Variants in ITPKB observed in about 807,000 individuals in gnomAD.
ITPKB encodes IP3 3-kinase B.
In ITPKB, 13 loss-of-function variants were observed where a neutral mutation model predicts 69.4. That is an observed-to-expected ratio of 0.19 (90% CI 0.12 to 0.30). The LOEUF (loss-of-function observed/expected upper bound fraction) is 0.30. ITPKB is among the 10% of genes least tolerant of loss of function. ITPKB has a pLI of 1.00. For missense variants in ITPKB, 1,240 were observed against 1,250.5 expected (o/e 0.99, Z 0.13); for synonymous variants, 584 against 513.7 (o/e 1.14, Z -1.85).
rs1657898524 is a variant in ITPKB at position 226,738,715 on chromosome 1, C to CGCGGAGGCAGCGCCGCGGA, written c.-206+325_-206+326insTCCGCGGCGCTGCCTCCGC. Among the ~76,000 whole-genome samples, 1 of 152,192 alleles carries CGCGGAGGCAGCGCCGCGGA rather than the reference C, an allele frequency of 6.6e-6. No homozygotes were observed. The highest frequency in any genetic ancestry group is 2.4e-5 in the African/African-American group (1 of 41,460). On this transcript the variant is annotated intron_variant, in intron 1 of 7. Coordinates refer to ENST00000429204, the MANE Select transcript of ITPKB (RefSeq NM_002221.4). The surrounding 1 kb of genome is among the most constrained non-coding windows in gnomAD (Gnocchi z 4.2). The stretch of plus-strand genomic sequence containing the variant: ...GGCAGCGCCGCGGAGCGCAGGGCTT[C>CGCGGAGGCAGCGCCGCGGA]TCCGCATCCCGGGCAGCCTCGCCCG...
chr1:226,737,711 G>A (rs1657844131), intron 1 of ITPKB, 48 bp from the exon 2 acceptor site: 1 of 513,084 alleles, frequency 1.9e-6, no homozygotes, highest in Admixed American at 5.7e-5. Flanking sequence ...GGCGCGCGGG[G>A]GGAGTTGGGG....
intron 2 of ITPKB, chr1:226,707,501 A>G: frequency 1.0e-6 from 1 of 983,616 alleles, no homozygotes; most frequent in South Asian, 4.7e-5. Context: ...CTGGCCAATA[A>G]AGTAAAATTT....
intron 2 of ITPKB, among the ~76,000 whole-genome samples, chr1:226,694,833 T>G: frequency 6.6e-6 from 1 of 152,228 alleles, no homozygotes; most frequent in Non-Finnish European, 1.5e-5. Context: ...TGAAAACCAC[T>G]GGGTAAATCA....
chr1:226,679,492 A>G (rs1656025425), intron 2 of ITPKB, among the ~76,000 whole-genome samples: 1 of 152,204 alleles, frequency 6.6e-6, no homozygotes, highest in South Asian at 2.1e-4. Context: ...AAACTCAAAA[A>G]TACTATCTGG....
chr1:226,657,655 C>T (rs1287694315), intron 2 of ITPKB, among the ~76,000 whole-genome samples: 1 of 152,206 alleles, frequency 6.6e-6, no homozygotes, highest in African/African-American at 2.4e-5. Flanking sequence ...TACTAATAAG[C>T]TAATAGCTCA....
intron 2 of ITPKB, among the ~76,000 whole-genome samples, chr1:226,675,507 T>G (rs929465092): frequency 6.6e-6 from 1 of 151,802 alleles, no homozygotes; most frequent in Non-Finnish European, 1.5e-5. Context: ...CAAGGAGCTG[T>G]GGGGAGGAGG....
At chr1:226,709,536 C>T (rs569146099) in intron 2 of ITPKB, among the ~76,000 whole-genome samples, 41 of 152,318 alleles carry the variant, frequency 2.7e-4, no homozygotes, top group African/African-American at 8.9e-4. Context: ...AACTATGCAG[C>T]AGGCTGTGGA....
At chr1:226,697,462 A>C (rs1571863158) in intron 2 of ITPKB, among the ~76,000 whole-genome samples, 1 of 152,352 alleles carries the variant, frequency 6.6e-6, no homozygotes, top group South Asian at 2.1e-4. Context: ...ATCAGCAAGG[A>C]AGGCCCTGGT....
chr1:226,661,100 G>A (rs954029290), intron 2 of ITPKB, among the ~76,000 whole-genome samples: 1 of 152,232 alleles, frequency 6.6e-6, no homozygotes, highest in Non-Finnish European at 1.5e-5. Flanking sequence ...ATCTTGGGCC[G>A]CTCTCTCAGA....
intron 7 of ITPKB, among the ~76,000 whole-genome samples, chr1:226,636,845 A>G (rs889146856): frequency 6.6e-6 from 1 of 151,460 alleles, no homozygotes; most frequent in Non-Finnish European, 1.5e-5. Context: ...GCACACAAAA[A>G]TGTGTGTGGA....
In ITPKB at chr1:226,729,210, G is replaced by A. The variant is rs146257031; in HGVS notation, c.1932+6317C>T. Among the ~76,000 whole-genome samples, 1,462 of 152,162 alleles carry A rather than the reference G, an allele frequency of 9.6e-3. 20 individuals carry two copies. Among genetic ancestry groups the A allele is most frequent in the Non-Finnish European group, 0.013 (910 of 68,008 alleles). The stretch of plus-strand genomic sequence containing the variant: ...GATATTAAAGGAAATGAGGCCAGGC[G>A]CGGTGGCTCACGCCTGTAATCCCAG... On this transcript the variant is annotated intron_variant, in intron 2 of 7. Transcript: ENST00000429204.
chr1:226,673,282 G>A (rs1571852594), intron 2 of ITPKB, among the ~76,000 whole-genome samples: 1 of 152,212 alleles, frequency 6.6e-6, no homozygotes, highest in Non-Finnish European at 1.5e-5. Flanking sequence ...GCTGAGGCAG[G>A]AGGATTGCTT....
chr1:226,690,421 G>C (rs1457176879), intron 2 of ITPKB, among the ~76,000 whole-genome samples: 1 of 152,148 alleles, frequency 6.6e-6, no homozygotes, highest in South Asian at 2.1e-4. Flanking sequence ...TTCTGAGACT[G>C]GTCCTGATCT....
intron 2 of ITPKB, among the ~76,000 whole-genome samples, chr1:226,682,057 G>C (rs1466505487): frequency 2.6e-5 from 4 of 152,220 alleles, no homozygotes; most frequent in African/African-American, 9.6e-5. Flanking sequence ...ATCTCCAGTA[G>C]TCAAAGGACC....
At chr1:226,639,892 C>T (rs778244219) in intron 5 of ITPKB, among the ~76,000 whole-genome samples, 17 of 152,180 alleles carry the variant, frequency 1.1e-4, no homozygotes, top group Admixed American at 2.6e-4. Flanking sequence ...CATCCCCAGG[C>T]GAGTGAACAG....
Position 226,641,896 on chromosome 1 carries a change from G to A in ITPKB, c.2451+25C>T. The A allele has an allele frequency of 1.9e-6, 3 of 1,604,158 alleles. No homozygotes were observed. The highest frequency in any genetic ancestry group is 1.3e-5 in the African/African-American group (1 of 74,930). ...TGAGGTGGGCACGGGTGGGGCCCGA[G>A]GCTGCCCTCACTCGCCGGCCTCACC... On this transcript the variant is annotated intron_variant, in intron 5 of 7. Transcript: ENST00000429204. This position sits in a 1 kb window ranked among gnomAD's most constrained non-coding sequence, Gnocchi z 4.6.
chr1:226,662,794 T>TA (rs1669424096), intron 2 of ITPKB, among the ~76,000 whole-genome samples: 2 of 152,264 alleles, frequency 1.3e-5, no homozygotes, highest in South Asian at 4.1e-4. Context: ...TATGCTGATG[T>TA]GCCTGTGGCT....
chr1:226,717,088 G>T (rs1217769015), intron 2 of ITPKB, among the ~76,000 whole-genome samples: 5 of 152,102 alleles, frequency 3.3e-5, no homozygotes, highest in Non-Finnish European at 7.4e-5. Flanking sequence ...TCACCGGGCA[G>T]AAAAACAAAC....
Position 226,662,907 on chromosome 1 carries a change from T to G in ITPKB, c.1933-14136A>C, listed in dbSNP as rs185676346. ...GCAGCCCTGCCCCAGCAGTGGCCAATGCGCAGCTCTGAATTCTGCTATGAG... is the reference window on the plus strand; with the variant it reads ...GCAGCCCTGCCCCAGCAGTGGCCAAGGCGCAGCTCTGAATTCTGCTATGAG... On this transcript the variant is annotated intron_variant, in intron 2 of 7. Transcript: ENST00000429204. Among the ~76,000 whole-genome samples the G allele has an allele frequency of 1.7e-3, 256 of 152,286 alleles. 2 individuals are homozygous for G. Among genetic ancestry groups the G allele is most frequent in the African/African-American group, 6.0e-3 (249 of 41,540 alleles).
Sources: allele counts gnomAD v4.1 joint callset (sites outside exome capture counted in the v4.1 genomes callset), GRCh38; gene constraint gnomAD v4.1.1; non-coding constraint Gnocchi (gnomAD v3.1); transcripts MANE v1.5; gene names NCBI Gene and HGNC (gene_info 2026-07-23, HGNC 2026-07-21).